The following RDH10 variants were observed in gnomAD, a reference collection of about 807,000 sequenced individuals.
RDH10 encodes the protein retinol dehydrogenase 10.
In RDH10, 12 loss-of-function variants were observed where a neutral mutation model predicts 30.2. That is an observed-to-expected ratio of 0.40 (90% confidence interval 0.25 to 0.64). RDH10 has a LOEUF of 0.64. RDH10 is among the 30% of genes least tolerant of loss of function. RDH10 has a pLI of 0.43. For missense variants in RDH10, 268 were observed against 445.2 expected (o/e 0.60, Z 3.58); for synonymous variants, 189 against 172.2 (o/e 1.10, Z -0.76).
In RDH10 at chr8:73,324,450, T is replaced by C. The variant is rs184788964; in HGVS notation, c.*1414T>C. 5.2e-5 allele frequency: 8 copies of C among 152,762 alleles called. No homozygotes were observed. In the East Asian group the frequency reaches 1.5e-3, roughly 30 times the overall value. 9.5% of individuals were successfully genotyped at this position (152,762 alleles called of 1,614,324 possible). Reference sequence around the variant, plus strand: ...TAAACTATTATGTGATTGCTTTTTTTTTTAGAATGTCTTGTTTAAATAGTG... The same window carrying C: ...TAAACTATTATGTGATTGCTTTTTTCTTTAGAATGTCTTGTTTAAATAGTG... On this transcript the variant is annotated 3_prime_UTR_variant, in exon 6 of 6. Coordinates refer to ENST00000240285, the MANE Select transcript of RDH10 (RefSeq NM_172037.5).
At chr8:73,308,893 A>C (rs1586191006) in intron 2 of RDH10, among the ~76,000 whole-genome samples, 1 of 152,208 alleles carries the variant, frequency 6.6e-6, no homozygotes, top group East Asian at 1.9e-4. Context: ...CAGATTGCTC[A>C]GGCTCACTCT....
chr8:73,320,866 G>A (rs966452022), intron 3 of RDH10, 66 bp from the exon 4 acceptor site: 16 of 1,515,026 alleles, frequency 1.1e-5, no homozygotes, highest in Non-Finnish European at 1.5e-5. Flanking sequence ...GACCAGGGAA[G>A]CTTTAGTTTG....
intron 2 of RDH10, among the ~76,000 whole-genome samples, chr8:73,314,018 C>T (rs1046025745): frequency 8.5e-5 from 13 of 152,200 alleles, no homozygotes; most frequent in South Asian, 2.1e-4. Flanking sequence ...ATACCAAAGC[C>T]GTTTGGCTGT....
At chr8:73,322,607 G>A in intron 4 of RDH10, 72 bp from the exon 5 acceptor site, 1 of 1,251,378 alleles carries the variant, frequency 8.0e-7, no homozygotes. Flanking sequence ...CACTGTTAAT[G>A]TTTTGATATG....
chr8:73,311,001 T>C (rs1318424049), intron 2 of RDH10: 1 of 152,122 alleles, frequency 6.6e-6, no homozygotes, highest in Non-Finnish European at 1.5e-5. Context: ...CAATGAGATA[T>C]TTTTGCTGAT....
At chr8:73,307,575 T>C (rs1321946287) in intron 2 of RDH10, among the ~76,000 whole-genome samples, 1 of 152,222 alleles carries the variant, frequency 6.6e-6, no homozygotes, top group Non-Finnish European at 1.5e-5. Flanking sequence ...ATAGAGCCAC[T>C]ATCCTCATGT....
chr8:73,300,366 C>G (rs1814354122), intron 2 of RDH10: 1 of 152,204 alleles, frequency 6.6e-6, no homozygotes, highest in Non-Finnish European at 1.5e-5. Flanking sequence ...TCCAGTAGTC[C>G]TCTTATGCGA....
chr8:73,311,914 C>T (rs757339738), intron 2 of RDH10: 1 of 152,204 alleles, frequency 6.6e-6, no homozygotes, highest in Non-Finnish European at 1.5e-5. Context: ...CTGTTGTCAG[C>T]TGCAACTAGA....
At chr8:73,303,738 A>T (rs184705484) in intron 2 of RDH10, among the ~76,000 whole-genome samples, 8 of 152,306 alleles carry the variant, frequency 5.3e-5, no homozygotes, top group Non-Finnish European at 7.4e-5. Context: ...GAATACCTAT[A>T]TACACCAAAT....
In RDH10 at chr8:73,294,721, C is replaced by T; in HGVS notation, c.-569C>T. Reference sequence around the variant, plus strand: ...CGAGCCCTCGGGGGCAGCTGCAAGGCGTTGGGCAGCGCTTGCCTGCGCCGA... The same window carrying T: ...CGAGCCCTCGGGGGCAGCTGCAAGGTGTTGGGCAGCGCTTGCCTGCGCCGA... On this transcript the variant is annotated 5_prime_UTR_variant, in exon 1 of 6. Transcript: ENST00000240285. The T allele has an allele frequency of 2.7e-6, 1 of 370,030 alleles. No individual in the cohort carries two copies. The highest frequency in any genetic ancestry group is 4.8e-6 in the Non-Finnish European group (1 of 208,086). The allele number at this position is 370,030 out of a possible 1,614,324, so 22.9% of individuals were successfully genotyped here.
chr8:73,301,485 C>T (rs1021530483), intron 2 of RDH10, among the ~76,000 whole-genome samples: 4 of 151,918 alleles, frequency 2.6e-5, no homozygotes, highest in Non-Finnish European at 4.4e-5. Context: ...GGGCTGGGCA[C>T]GGTGGCTCAC....
intron 2 of RDH10, among the ~76,000 whole-genome samples, chr8:73,304,687 G>T (rs1427682129): frequency 6.6e-6 from 1 of 152,078 alleles, no homozygotes; most frequent in Non-Finnish European, 1.5e-5. Context: ...ACACACTTAT[G>T]CTTCACACAA....
chr8:73,295,279 C>T lies in RDH10; in HGVS notation c.-11C>T. The T allele has an allele frequency of 6.4e-7, 1 of 1,551,894 alleles. No homozygotes were observed. The highest frequency in any genetic ancestry group is 1.2e-5 in the South Asian group (1 of 84,482). On this transcript the variant is annotated 5_prime_UTR_variant, in exon 1 of 6. Coordinates refer to ENST00000240285, the MANE Select transcript of RDH10 (RefSeq NM_172037.5). ...CAGGCACTGGGCTCGTGCGGGGCCC[C>T]GGGCGTCGCGATGAACATCGTGGTG...
At chr8:73,320,482 T>G (rs34024132) in intron 3 of RDH10, among the ~76,000 whole-genome samples, 22,135 of 143,812 alleles carry the variant, frequency 0.15, 1,871 homozygotes, top group African/African-American at 0.26. Flanking sequence ...TTTGTTTTTT[T>G]TTTTTTGAGA....
In RDH10 at chr8:73,295,574, G is replaced by T; in HGVS notation, c.285G>T (p.Leu95=). ...TGGAGGCGGCCGACGCCGCTGCGCTGCAAGGTAACCTGGACCCGCGCGGGA... is the reference window on the plus strand; with the variant it reads ...TGGAGGCGGCCGACGCCGCTGCGCTTCAAGGTAACCTGGACCCGCGCGGGA... ...RDLEAADAAA[L]QAGNGEEEIL... is the part of the protein sequence containing the mutation. The change falls in exon 1 of 6, where the codon CTG becomes CTT. Residue 95 remains leucine (L), a synonymous_variant. Transcript: ENST00000240285. The T allele has an allele frequency of 6.6e-7, 1 of 1,517,978 alleles. No homozygotes were observed. The allele number at this position is 1,517,978 out of a possible 1,614,324, so 94.0% of individuals were successfully genotyped here. A position where few individuals can be genotyped will look rare whatever the true frequency, so the allele number is the denominator to read the frequency against.
chr8:73,324,841 T>G lies in RDH10; in HGVS notation c.*1805T>G, dbSNP rs1280964345. ...CACCACAGATCAAATCTGCACTGTG[T>G]CTACATATAGGAAAGGTCCTGGTGT... On this transcript the variant is annotated 3_prime_UTR_variant, in exon 6 of 6. Coordinates refer to ENST00000240285, the MANE Select transcript of RDH10 (RefSeq NM_172037.5). The G allele has an allele frequency of 6.6e-6, 1 of 152,238 alleles. No homozygotes were observed. The highest frequency in any genetic ancestry group is 1.5e-5 in the Non-Finnish European group (1 of 68,050). 9.4% of individuals were successfully genotyped at this position (152,238 alleles called of 1,614,324 possible).
chr8:73,313,991 G>A (rs1029769453), intron 2 of RDH10, among the ~76,000 whole-genome samples: 7 of 152,116 alleles, frequency 4.6e-5, no homozygotes, highest in East Asian at 1.9e-4. Flanking sequence ...CCACCCATGC[G>A]TCACAGGCAT....
chr8:73,319,238 C>G, intron 3 of RDH10, 44 bp downstream of exon 3: 1 of 1,369,114 alleles, frequency 7.3e-7, no homozygotes, highest in Non-Finnish European at 1.0e-6. Flanking sequence ...TCTGTTTATC[C>G]TGTGATAAGT....
At chr8:73,295,632 G>C (rs1435402684) in intron 1 of RDH10, 54 bp downstream of exon 1, 1 of 1,419,842 alleles carries the variant, frequency 7.0e-7, no homozygotes, top group African/African-American at 1.5e-5. Context: ...TCCACCCCGC[G>C]CCCTACCACG....
Sources: gnomAD v4.1 joint callset for allele counts (sites outside exome capture counted in the v4.1 genomes callset) on GRCh38, gnomAD v4.1.1 for gene constraint, MANE v1.5 for transcripts, NCBI Gene and HGNC (gene_info 2026-07-23, HGNC 2026-07-21) for gene names.